AGAP1: variants seen among roughly 807,000 people sequenced by gnomAD.
AGAP1 encodes arf-GAP with GTPase, ANK repeat and PH domain-containing protein 1.
Under a neutral mutation model 105.3 loss-of-function variants are expected in AGAP1, and 29 were observed. The observed-to-expected ratio is 0.28, with a 90% CI of 0.21 to 0.38. AGAP1 has a LOEUF of 0.38. Ranked by LOEUF, AGAP1 falls within the 10% of genes least tolerant of loss-of-function variation. The pLI is 1.00. For synonymous variants in AGAP1, 509 were observed against 485.9 expected (o/e 1.05, Z -0.63); for missense variants, 998 against 1,165.1 (o/e 0.86, Z 2.09).
chr2:236,033,610 G>A (rs1160859472), intron 13 of AGAP1, among the ~76,000 whole-genome samples: 3 of 152,224 alleles, frequency 2.0e-5, no homozygotes, highest in Non-Finnish European at 4.4e-5. Flanking sequence ...CTGCCTGAGT[G>A]TGTGCCCGTC....
rs1951549868 is a variant in AGAP1 at position 235,724,448 on chromosome 2, C to G, written c.310+6804C>G. Among the ~76,000 whole-genome samples, 1 of 152,172 alleles carries G rather than the reference C, an allele frequency of 6.6e-6. No individual in the cohort carries two copies. The highest frequency in any genetic ancestry group is 1.5e-5 in the Non-Finnish European group (1 of 68,030). On this transcript the variant is annotated intron_variant, in intron 3 of 17. Transcript: ENST00000304032. The surrounding 1 kb of genome is among the most constrained non-coding windows in gnomAD (Gnocchi z 4.9). ...GAGATTAGCCTCCCTCATTCATTTT[C>G]CCGATAGAATATGATAGCTGAGGTA...
In AGAP1 at chr2:235,855,978, A is replaced by G. The variant is rs143542262; in HGVS notation, c.1051-27367A>G. On this transcript the variant is annotated intron_variant, in intron 9 of 17. Transcript: ENST00000304032. The surrounding 1 kb of genome is among the most constrained non-coding windows in gnomAD (Gnocchi z 5.0). The stretch of plus-strand genomic sequence containing the variant: ...ACCCAGGCTGGAGTGCAATGGCATG[A>G]TCTCGGCTCACTGCAACTTCTGCCT... 0.042 allele frequency among the ~76,000 whole-genome samples: 6,397 copies of G among 152,068 alleles called. 417 individuals are homozygous for G. Among genetic ancestry groups the G allele is most frequent in the African/African-American group, 0.14 (5,930 of 41,444 alleles).
At chr2:235,786,714 C>T (rs1402774332) in intron 6 of AGAP1, among the ~76,000 whole-genome samples, 2 of 152,196 alleles carry the variant, frequency 1.3e-5, no homozygotes, top group Admixed American at 6.5e-5. Context: ...GTGCCTGTGA[C>T]AAGATCTCGT....
chr2:235,714,631 TGAGTA>T lies in AGAP1; in HGVS notation c.223-2922_223-2918del, dbSNP rs1346898484. 2.0e-5 allele frequency among the ~76,000 whole-genome samples: 3 copies of T among 151,924 alleles called. No individual in the cohort carries two copies. The highest frequency in any genetic ancestry group is 7.2e-5 in the African/African-American group (3 of 41,430). On this transcript the variant is annotated intron_variant, in intron 2 of 17. Coordinates refer to ENST00000304032, the MANE Select transcript of AGAP1 (RefSeq NM_001037131.3). The surrounding 1 kb of genome is among the most constrained non-coding windows in gnomAD (Gnocchi z 4.1). ...GTTTTAGAAAGGCCACTCTGGCTGA[TGAGTA>T]GAGAGTGGGAGCGGCCAGGACTGGG...
chr2:236,033,232 C>T (rs886918868), intron 13 of AGAP1, among the ~76,000 whole-genome samples: 3 of 151,900 alleles, frequency 2.0e-5, no homozygotes, highest in South Asian at 2.1e-4. Context: ...ACGACAGGAG[C>T]GAAACTCTGT....
At chr2:235,945,675 C>T (rs1010468876) in intron 12 of AGAP1, among the ~76,000 whole-genome samples, 1 of 151,348 alleles carries the variant, frequency 6.6e-6, no homozygotes, top group African/African-American at 2.4e-5. Flanking sequence ...CTCTTAGATT[C>T]GGGAGTGGGT....
chr2:235,579,061 C>G (rs1944835446), intron 1 of AGAP1, among the ~76,000 whole-genome samples: 1 of 152,158 alleles, frequency 6.6e-6, no homozygotes, highest in Admixed American at 6.5e-5. Context: ...GAAAGAAAAC[C>G]AGGAAACCAA....
chr2:235,730,932 C>G (rs958855776), intron 3 of AGAP1, among the ~76,000 whole-genome samples: 1 of 152,074 alleles, frequency 6.6e-6, no homozygotes, highest in Non-Finnish European at 1.5e-5. Flanking sequence ...CCGTTTTCTC[C>G]GAGAGGTGCA....
At chr2:235,849,342 A>G (rs1961880047) in intron 9 of AGAP1, among the ~76,000 whole-genome samples, 1 of 152,236 alleles carries the variant, frequency 6.6e-6, no homozygotes, top group Admixed American at 6.5e-5. Flanking sequence ...ATGAGTACAC[A>G]TATTACTATA....
At chr2:235,790,290 C>T (rs1956896534) in intron 6 of AGAP1, among the ~76,000 whole-genome samples, 1 of 152,116 alleles carries the variant, frequency 6.6e-6, no homozygotes, top group Non-Finnish European at 1.5e-5. Context: ...CATCAGATGA[C>T]ACATAATTAG....
At chr2:235,764,555 C>G (rs1287861559) in intron 6 of AGAP1, among the ~76,000 whole-genome samples, 3 of 152,230 alleles carry the variant, frequency 2.0e-5, no homozygotes, top group Non-Finnish European at 4.4e-5. Context: ...GTCACTGCCA[C>G]AACAGCTAAA....
At position 235,610,090 on chromosome 2, in the gene AGAP1, C is replaced by T. The variant is rs922880967; in HGVS notation, c.164-99089C>T. On this transcript the variant is annotated intron_variant, in intron 1 of 17. Coordinates refer to ENST00000304032, the MANE Select transcript of AGAP1 (RefSeq NM_001037131.3). This position sits in a 1 kb window ranked among gnomAD's most constrained non-coding sequence, Gnocchi z 4.9. ...CTCTGTGCAGGGCCAGCACTTTTAG[C>T]TCCTAGTCACAGATATGGTGACAGG... Among the ~76,000 whole-genome samples the T allele has an allele frequency of 2.0e-5, 3 of 152,188 alleles. No individual in the cohort carries two copies. Among genetic ancestry groups the T allele is most frequent in the African/African-American group, 7.2e-5 (3 of 41,452 alleles).
intron 1 of AGAP1, among the ~76,000 whole-genome samples, chr2:235,644,108 C>T (rs1037085550): frequency 6.6e-6 from 1 of 152,086 alleles, no homozygotes; most frequent in Non-Finnish European, 1.5e-5. Flanking sequence ...AGTGGGAGCC[C>T]GGGAAGGTCA....
chr2:235,860,549 C>T (rs943187864), intron 9 of AGAP1, among the ~76,000 whole-genome samples: 1 of 152,152 alleles, frequency 6.6e-6, no homozygotes, highest in Non-Finnish European at 1.5e-5. Flanking sequence ...CCTTGTGAAT[C>T]TTATTCTCAT....
intron 16 of AGAP1, among the ~76,000 whole-genome samples, chr2:236,086,604 G>T (rs2058933483): frequency 6.6e-6 from 1 of 152,168 alleles, no homozygotes; most frequent in Non-Finnish European, 1.5e-5. Flanking sequence ...CCGTCACTCA[G>T]CATAGAGCTG....
At chr2:235,929,583 C>G (rs1264534075) in intron 11 of AGAP1, among the ~76,000 whole-genome samples, 1 of 152,118 alleles carries the variant, frequency 6.6e-6, no homozygotes, top group East Asian at 1.9e-4. Flanking sequence ...GTGTAGGGCT[C>G]GTACACTACG....
At chr2:235,921,484 A>G (rs867331878) in intron 11 of AGAP1, among the ~76,000 whole-genome samples, 1 of 152,090 alleles carries the variant, frequency 6.6e-6, no homozygotes, top group African/African-American at 2.4e-5. Context: ...GGCCCCCATT[A>G]TTTTTTTCCT....
rs1437034955 is a variant in AGAP1 at position 236,005,306 on chromosome 2, A to T, written c.1646-31255A>T. 6.6e-6 allele frequency among the ~76,000 whole-genome samples: 1 copy of T among 151,790 alleles called. No individual in the cohort carries two copies. The highest frequency in any genetic ancestry group is 3.4e-3 in the Middle Eastern group (1 of 292). ...GACTACAGGAGTGTGCCACCGGCTA[A>T]TTTTTTTTATTTTTGGTAGAAACGT... On this transcript the variant is annotated intron_variant, in intron 13 of 17. Coordinates refer to ENST00000304032, the MANE Select transcript of AGAP1 (RefSeq NM_001037131.3). The surrounding 1 kb of genome is among the most constrained non-coding windows in gnomAD (Gnocchi z 4.1).
intron 1 of AGAP1, among the ~76,000 whole-genome samples, chr2:235,678,323 G>A (rs1429752680): frequency 6.6e-6 from 1 of 152,232 alleles, no homozygotes; most frequent in East Asian, 1.9e-4. Flanking sequence ...TAATTTGGAA[G>A]AGGAGACTGG....
Sources: gnomAD v4.1 joint callset for allele counts (sites outside exome capture counted in the v4.1 genomes callset) on GRCh38, gnomAD v4.1.1 for gene constraint, Gnocchi (gnomAD v3.1) non-coding constraint, MANE v1.5 for transcripts, NCBI Gene and HGNC (gene_info 2026-07-23, HGNC 2026-07-21) for gene names.